The following ROCK1 variants were observed in gnomAD, a reference collection of about 807,000 sequenced individuals.
ROCK1 encodes the protein rho-associated protein kinase 1.
In ROCK1, 36 loss-of-function variants were observed where a neutral mutation model predicts 196.8. The ratio of observed to expected loss-of-function variants is 0.18; its 90% confidence interval spans 0.14 to 0.24. The LOEUF (loss-of-function observed/expected upper bound fraction) is 0.24, where lower values mean the gene tolerates loss of function less well. Ranked by LOEUF, ROCK1 falls within the 10% of genes least tolerant of loss-of-function variation. The pLI is 1.00. For synonymous variants in ROCK1, 443 were observed against 515.9 expected (o/e 0.86, Z 1.91); for missense variants, 920 against 1,562.0 (o/e 0.59, Z 6.93).
chr18:21,019,091 A>G (rs917622072), intron 12 of ROCK1, among the ~76,000 whole-genome samples: 25 of 152,202 alleles, frequency 1.6e-4, no homozygotes, highest in Admixed American at 1.1e-3. Flanking sequence ...AATTTAGTAT[A>G]TTTTAATCTT....
At chr18:21,060,563 G>A (rs1036612441) in intron 2 of ROCK1, among the ~76,000 whole-genome samples, 4 of 152,134 alleles carry the variant, frequency 2.6e-5, no homozygotes, top group Non-Finnish European at 5.9e-5. Context: ...ATTCATGGCC[G>A]GCACGGTGGC....
chr18:20,960,365 T>A (rs138429595), intron 27 of ROCK1, among the ~76,000 whole-genome samples, 159 bp from the exon 28 acceptor site: 25 of 152,266 alleles, frequency 1.6e-4, no homozygotes, highest in Middle Eastern at 3.4e-3. Context: ...ACAAATCAAC[T>A]TTAATGGCCA....
chr18:21,092,639 T>TG, intron 1 of ROCK1, among the ~76,000 whole-genome samples: 2 of 142,402 alleles, frequency 1.4e-5, no homozygotes. Flanking sequence ...TGTCAGAAAA[T>TG]GCTCATCCTC....
chr18:21,086,005 G>C (rs1598557870), intron 1 of ROCK1, among the ~76,000 whole-genome samples: 1 of 152,168 alleles, frequency 6.6e-6, no homozygotes, highest in South Asian at 2.1e-4. Context: ...TTTGGGGAGA[G>C]AGAGTTTGTC....
intron 16 of ROCK1, among the ~76,000 whole-genome samples, chr18:21,005,547 T>G (rs1295845416): frequency 6.6e-6 from 1 of 152,262 alleles, no homozygotes; most frequent in Non-Finnish European, 1.5e-5. Context: ...GTGAAGAAAT[T>G]ACAATGTGAT....
intron 1 of ROCK1, among the ~76,000 whole-genome samples, chr18:21,083,350 C>A (rs767946942): frequency 3.9e-5 from 6 of 152,082 alleles, no homozygotes; most frequent in Non-Finnish European, 5.9e-5. Flanking sequence ...AATGTAATCT[C>A]AGATCACAAA....
rs748358999 is a variant in ROCK1, at chr18:21,028,955, AGTT to A, written c.1052-23_1052-21del. ...CTACAGCTAAAGACAAAACAAAATTAGTTGTTCACTTCAAACTTAAAATACAAG... is the reference window on the plus strand; with the variant it reads ...CTACAGCTAAAGACAAAACAAAATTAGTTCACTTCAAACTTAAAATACAAG... On this transcript the variant is annotated intron_variant, in intron 9 of 32. Coordinates refer to ENST00000399799, the MANE Select transcript of ROCK1 (RefSeq NM_005406.3). 1.0e-4 allele frequency: 162 copies of A among 1,599,516 alleles called. 1 individual carries two copies. The East Asian group carries it at 3.1e-3, about 31-fold the overall frequency.
chr18:20,957,253 T>A (rs1182614559), intron 29 of ROCK1, among the ~76,000 whole-genome samples: 2 of 152,222 alleles, frequency 1.3e-5, no homozygotes, highest in East Asian at 3.8e-4. Context: ...GCAACCCAAA[T>A]GTCAATCAAC....
Position 20,950,412 on chromosome 18 carries a change from T to C in ROCK1, c.*972A>G, listed in dbSNP as rs1251795389. The stretch of plus-strand genomic sequence containing the variant: ...GAAAATACATTTTTTGAAATTTCTA[T>C]ACTTACTCATGGCAGTAAAATAATT... On this transcript the variant is annotated 3_prime_UTR_variant, in exon 33 of 33. Transcript: ENST00000399799. 2.6e-5 allele frequency: 4 copies of C among 152,564 alleles called. No homozygotes were observed. The highest frequency in any genetic ancestry group is 7.2e-5 in the African/African-American group (3 of 41,428). The allele number at this position is 152,564 out of a possible 1,614,324, so 9.5% of individuals were successfully genotyped here.
At position 20,987,059 on chromosome 18, in the gene ROCK1, T is replaced by G; in HGVS notation, c.2195A>C (p.Asn732Thr). The change falls in exon 19 of 33, where the codon AAT becomes ACT. Residue 732 changes from asparagine (N) to threonine (T), a missense_variant. Around this residue, in one of 6 missense-constraint regions of ROCK1, gnomAD observed 520 missense variants for 657.1 expected, o/e 0.79. Coordinates refer to ENST00000399799, the MANE Select transcript of ROCK1 (RefSeq NM_005406.3). ...EEREAREKAE[N>T]RVVQIEKQCS... ...CTGTTTCTCAATCTGAACAACCCGA[T>G]TTTCAGCCTTCTCTCGAGCTTCTCT... 1 of 1,613,136 alleles carries G rather than the reference T, an allele frequency of 6.2e-7. No homozygotes were observed. The highest frequency in any genetic ancestry group is 2.2e-5 in the East Asian group (1 of 44,850).
chr18:21,030,078 A>G (rs1267455123), intron 9 of ROCK1, among the ~76,000 whole-genome samples: 1 of 152,190 alleles, frequency 6.6e-6, no homozygotes, highest in Non-Finnish European at 1.5e-5. Context: ...ACTAACAGTA[A>G]CACAAGAGGG....
At chr18:21,048,208 T>TG (rs906462434) in intron 4 of ROCK1, among the ~76,000 whole-genome samples, 4 of 152,200 alleles carry the variant, frequency 2.6e-5, no homozygotes, top group African/African-American at 9.6e-5. Context: ...GAAAGGCCTA[T>TG]GGCAATCAAG....
intron 1 of ROCK1, among the ~76,000 whole-genome samples, chr18:21,076,452 C>G (rs1429588298): frequency 6.6e-6 from 1 of 152,048 alleles, no homozygotes; most frequent in Admixed American, 6.5e-5. Flanking sequence ...TGCAGTGAGC[C>G]GAGATCGTGC....
chr18:21,100,354 T>G (rs1414242076), intron 1 of ROCK1, among the ~76,000 whole-genome samples: 1 of 150,500 alleles, frequency 6.6e-6, no homozygotes, highest in Non-Finnish European at 1.5e-5. Flanking sequence ...TTTCCAAGTC[T>G]GAGGCAAGAA....
chr18:20,975,204 G>A (rs1459731065), intron 22 of ROCK1, among the ~76,000 whole-genome samples: 2 of 152,212 alleles, frequency 1.3e-5, no homozygotes, highest in Admixed American at 6.5e-5. Context: ...GATGAACTGG[G>A]CACCACGGTA....
At chr18:21,102,934 TCA>T (rs1267104627) in intron 1 of ROCK1, among the ~76,000 whole-genome samples, 1 of 151,766 alleles carries the variant, frequency 6.6e-6, no homozygotes, top group Non-Finnish European at 1.5e-5. Context: ...AAATCTGGTA[TCA>T]GAAGTATGGA....
chr18:21,040,576 A>C (rs2143501364), intron 8 of ROCK1, among the ~76,000 whole-genome samples: 1 of 152,356 alleles, frequency 6.6e-6, no homozygotes, highest in Non-Finnish European at 1.5e-5. Flanking sequence ...GCTAAAAGAT[A>C]AGTTGGCTTA....
rs370234942 is a variant in ROCK1 at position 21,065,157 on chromosome 18, T to C, written c.175+5375A>G. 8.5e-5 allele frequency among the ~76,000 whole-genome samples: 13 copies of C among 152,332 alleles called. 1 individual carries two copies. The highest frequency in any genetic ancestry group is 5.2e-4 in the Admixed American group (8 of 15,298). ...ACTGAATGCTTTGTCTCAAGGTCTG[T>C]GTAACATTCTAAATGATCATCGCTT... is the stretch of plus-strand genomic sequence containing the variant. On this transcript the variant is annotated intron_variant, in intron 2 of 32. Transcript: ENST00000399799.
intron 29 of ROCK1, among the ~76,000 whole-genome samples, chr18:20,958,364 A>G (rs2035267128): frequency 6.6e-6 from 1 of 152,152 alleles, no homozygotes; most frequent in African/African-American, 2.4e-5. Flanking sequence ...AAAAGCAGTT[A>G]CCAGACTTGA....
Sources: allele counts gnomAD v4.1 joint callset (sites outside exome capture counted in the v4.1 genomes callset), GRCh38; gene constraint gnomAD v4.1.1; regional missense constraint gnomAD v4.1.1; transcripts MANE v1.5; gene names NCBI Gene and HGNC (gene_info 2026-07-23, HGNC 2026-07-21).